The following NFIC variants were observed in gnomAD, a reference collection of about 807,000 sequenced individuals.
NFIC encodes nuclear factor I C.
NFIC carries 12 observed loss-of-function variants against 54.4 expected under a neutral mutation model. That is an observed-to-expected ratio of 0.22 (90% confidence interval 0.14 to 0.36). The LOEUF is 0.36. Among genes scored for constraint, NFIC ranks in the 10% least tolerant of loss-of-function variants. The probability of loss-of-function intolerance (pLI) is 1.00; values close to 1 mark genes in which losing one functional copy is unlikely to be tolerated. For synonymous variants in NFIC, 322 were observed against 319.2 expected (o/e 1.01, Z -0.09); for missense variants, 575 against 718.2 (o/e 0.80, Z 2.28).
At chr19:3,427,414 C>T (rs1404747400) in intron 3 of NFIC, among the ~76,000 whole-genome samples, 1 of 151,938 alleles carries the variant, frequency 6.6e-6, no homozygotes, top group Admixed American at 6.6e-5. Context: ...TAGAATGGGG[C>T]CTGATGCAGA....
chr19:3,366,696 GCCCCCGCGC>G, intron 1 of NFIC, 30 bp downstream of exon 1: 2 of 1,338,672 alleles, frequency 1.5e-6, no homozygotes, highest in Non-Finnish European at 1.9e-6. Context: ...CCCCGCCGGC[GCCCCCGCGC>G]CCCCCGCATC....
intron 2 of NFIC, among the ~76,000 whole-genome samples, chr19:3,420,552 C>CAAA (rs138825735): frequency 2.6e-5 from 1 of 38,168 alleles, no homozygotes; most frequent in African/African-American, 5.9e-5. Context: ...GATTCCATCT[C>CAAA]AAAAAAATAA....
intron 1 of NFIC, among the ~76,000 whole-genome samples, chr19:3,368,561 C>T (rs1314214502): frequency 6.6e-6 from 1 of 152,158 alleles, no homozygotes; most frequent in East Asian, 1.9e-4. Flanking sequence ...CAGAGAGCTC[C>T]CAGGCCAGAG....
chr19:3,455,086 A>C (rs1239561675), intron 9 of NFIC, among the ~76,000 whole-genome samples: 1 of 152,190 alleles, frequency 6.6e-6, no homozygotes, highest in Non-Finnish European at 1.5e-5. Flanking sequence ...AGCCGGTGAC[A>C]TGGGTCAGGG....
intron 2 of NFIC, among the ~76,000 whole-genome samples, chr19:3,414,366 G>A (rs1275077553): frequency 6.6e-6 from 1 of 152,066 alleles, no homozygotes; most frequent in Non-Finnish European, 1.5e-5. Flanking sequence ...GGAGTCCGAG[G>A]CGGACGGATC....
At chr19:3,413,517 C>T (rs1459210382) in intron 2 of NFIC, among the ~76,000 whole-genome samples, 1 of 152,006 alleles carries the variant, frequency 6.6e-6, no homozygotes, top group Admixed American at 6.6e-5. Context: ...CCCCAGCTGG[C>T]GATTACCGTC....
At chr19:3,361,235 C>T (rs940494421) in intron 1 of NFIC, among the ~76,000 whole-genome samples, 1 of 152,158 alleles carries the variant, frequency 6.6e-6, no homozygotes, top group Non-Finnish European at 1.5e-5. Flanking sequence ...GGACCTGCCC[C>T]GAGAGGGGCG....
At chr19:3,439,723 C>G (rs939898399) in intron 6 of NFIC, among the ~76,000 whole-genome samples, 2 of 141,180 alleles carry the variant, frequency 1.4e-5, no homozygotes, top group African/African-American at 5.3e-5. Context: ...GAGTCTTGCT[C>G]TGTCGCCCAG....
intron 2 of NFIC, among the ~76,000 whole-genome samples, chr19:3,392,262 G>A (rs921622567): frequency 1.3e-5 from 2 of 151,986 alleles, no homozygotes; most frequent in African/African-American, 2.4e-5. Context: ...AGTAGAGCGG[G>A]GGTTTCACTA....
rs1291484349 is a variant in NFIC at position 3,434,323 on chromosome 19, G to A, written c.756G>A (p.Leu252=). The change falls in exon 5 of 11, where the codon CTG becomes CTA. Residue 252 remains leucine (L), a synonymous_variant. Coordinates refer to ENST00000443272, the MANE Select transcript of NFIC (RefSeq NM_001245002.2). ...GACCCAACTTCTCCCTGGGGGAGCT[G>A]CAGGGGCACCTGGCATACGACCTGA... The part of the protein sequence containing the change: ...GTGPNFSLGE[L]QGHLAYDLNP... 3 of 1,613,276 alleles carry A rather than the reference G, an allele frequency of 1.9e-6. No homozygotes were observed. The highest frequency in any genetic ancestry group is 4.5e-5 in the East Asian group (2 of 44,876).
rs777727186 is a variant in NFIC, at chr19:3,452,101, CAA to C, written c.1085-360_1085-359del. Reference sequence around the variant, plus strand: ...TGCACTCCAGCCTGGGTGACTGTCTCAAAAAAAAAAAAAAAAAAAAAAGACCA... The same window carrying C: ...TGCACTCCAGCCTGGGTGACTGTCTCAAAAAAAAAAAAAAAAAAAAGACCA... On this transcript the variant is annotated intron_variant, in intron 7 of 10. Transcript: ENST00000443272. This position sits in a 1 kb window ranked among gnomAD's most constrained non-coding sequence, Gnocchi z 5.3. Among the ~76,000 whole-genome samples the C allele has an allele frequency of 0.023, 1,241 of 54,512 alleles. 17 individuals carry two copies. Among genetic ancestry groups the C allele is most frequent in the African/African-American group, 0.065 (1,167 of 17,864 alleles). 35.8% of individuals were successfully genotyped at this position (54,512 alleles called of 152,430 possible).
At chr19:3,422,877 T>G (rs1045601158) in intron 2 of NFIC, among the ~76,000 whole-genome samples, 10 of 151,808 alleles carry the variant, frequency 6.6e-5, no homozygotes, top group Non-Finnish European at 1.0e-4. Flanking sequence ...TTGCTCGTGG[T>G]TCTGACCCGC....
At chr19:3,387,997 G>C (rs1384181849) in intron 2 of NFIC, among the ~76,000 whole-genome samples, 1 of 152,278 alleles carries the variant, frequency 6.6e-6, no homozygotes, top group Admixed American at 6.5e-5. Flanking sequence ...GGCTGGGCGG[G>C]GGAGGGGCTG....
intron 2 of NFIC, among the ~76,000 whole-genome samples, chr19:3,382,821 C>T (rs1027225595): frequency 1.4e-5 from 2 of 144,448 alleles, no homozygotes; most frequent in Non-Finnish European, 1.5e-5. Flanking sequence ...GTGCAAGGAG[C>T]GTCTGAGGGA....
In NFIC at chr19:3,439,333, CAAAAAAAAAAAAAAAAAAAAAAAAAAAAA is replaced by C. The variant is rs539916342; in HGVS notation, c.958+4140_958+4168del. On this transcript the variant is annotated intron_variant, in intron 6 of 10. Coordinates refer to ENST00000443272, the MANE Select transcript of NFIC (RefSeq NM_001245002.2). ...GGGGCAACAGAGAAAGACCCTGTCT[CAAAAAAAAAAAAAAAAAAAAAAAAAAAAA>C]AAAAAAAAAAAAAGGCTCACCTGTA... Among the ~76,000 whole-genome samples, 56 of 23,332 alleles carry C rather than the reference CAAAAAAAAAAAAAAAAAAAAAAAAAAAAA, an allele frequency of 2.4e-3. 1 individual carries two copies. Among genetic ancestry groups the C allele is most frequent in the Non-Finnish European group, 4.1e-3 (49 of 11,968 alleles). The allele number at this position is 23,332 out of a possible 152,430, so 15.3% of individuals were successfully genotyped here.
chr19:3,425,033 A>C, intron 2 of NFIC, 73 bp from the exon 3 acceptor site: 2 of 1,528,988 alleles, frequency 1.3e-6, no homozygotes, highest in Non-Finnish European at 8.9e-7. Flanking sequence ...TGGGGCCACC[A>C]GCATCGACAC....
At position 3,421,161 on chromosome 19, in the gene NFIC, C is replaced by T. The variant is rs112873892; in HGVS notation, c.563-3945C>T. Among the ~76,000 whole-genome samples the T allele has an allele frequency of 2.3e-3, 345 of 152,360 alleles. 1 individual carries two copies. Among genetic ancestry groups the T allele is most frequent in the African/African-American group, 8.0e-3 (334 of 41,594 alleles). ...GCTCCCTGGCTGCCCGATTCGCAAG[C>T]TCATGCTGGGAGCCACCGTGGGGCC... On this transcript the variant is annotated intron_variant, in intron 2 of 10. Coordinates refer to ENST00000443272, the MANE Select transcript of NFIC (RefSeq NM_001245002.2).
In NFIC at chr19:3,370,286, A is replaced by G. The variant is rs1284397992; in HGVS notation, c.30+3620A>G. 2.0e-5 allele frequency among the ~76,000 whole-genome samples: 3 copies of G among 151,554 alleles called. No homozygotes were observed. Among genetic ancestry groups the G allele is most frequent in the African/African-American group, 7.3e-5 (3 of 41,204 alleles). Reference sequence around the variant, plus strand: ...GGCGCTCTCTCCCCGTGTGCCCCCCACCCGGGGCCTGGTGGCCTCTGATTC... The same window carrying G: ...GGCGCTCTCTCCCCGTGTGCCCCCCGCCCGGGGCCTGGTGGCCTCTGATTC... On this transcript the variant is annotated intron_variant, in intron 1 of 10. Transcript: ENST00000443272. This position sits in a 1 kb window ranked among gnomAD's most constrained non-coding sequence, Gnocchi z 5.2.
rs1025434694 is a variant in NFIC, at chr19:3,464,777, T to A, written c.*2008T>A. On this transcript the variant is annotated 3_prime_UTR_variant, in exon 11 of 11. Coordinates refer to ENST00000443272, the MANE Select transcript of NFIC (RefSeq NM_001245002.2). ...CCCCCAAGAGAGGTTCGCCATCCTC[T>A]GGCCTCGAGCCCTTGGTCCCTCCGT... 15 of 921,686 alleles carry A rather than the reference T, an allele frequency of 1.6e-5. No individual in the cohort carries two copies. Among genetic ancestry groups the A allele is most frequent in the Middle Eastern group, 5.5e-4 (1 of 1,822 alleles). 57.1% of individuals were successfully genotyped at this position (921,686 alleles called of 1,614,324 possible).
Sources: gnomAD v4.1 joint callset for allele counts (sites outside exome capture counted in the v4.1 genomes callset) on GRCh38, gnomAD v4.1.1 for gene constraint, Gnocchi (gnomAD v3.1) non-coding constraint, MANE v1.5 for transcripts, NCBI Gene and HGNC (gene_info 2026-07-23, HGNC 2026-07-21) for gene names.